Variants in OR51B5 observed in about 807,000 individuals in gnomAD.
OR51B5 encodes olfactory receptor family 51 subfamily B member 5.
For synonymous variants in OR51B5, 186 were observed against 144.8 expected (o/e 1.28, Z -2.04); for missense variants, 456 against 374.6 (o/e 1.22, Z -1.79).
intron 1 of OR51B5, among the ~76,000 whole-genome samples, chr11:5,416,876 C>T (rs1269155184): frequency 2.0e-5 from 3 of 151,896 alleles, no homozygotes; most frequent in Non-Finnish European, 4.4e-5. Flanking sequence ...AGATTCAATG[C>T]CATCCCCATC....
chr11:5,382,839 C>CAT (rs1220806387), intron 1 of OR51B5, among the ~76,000 whole-genome samples: 1 of 152,162 alleles, frequency 6.6e-6, no homozygotes, highest in Admixed American at 6.5e-5. Context: ...AATGGCATGT[C>CAT]ATAAACTTCA....
At chr11:5,405,164 A>T (rs912523550) in intron 1 of OR51B5, among the ~76,000 whole-genome samples, 2 of 152,174 alleles carry the variant, frequency 1.3e-5, no homozygotes. Flanking sequence ...TAAGATTTTT[A>T]ACATAAAATA....
At chr11:5,449,299 A>G (rs935012735) in intron 1 of OR51B5, 2 of 152,228 alleles carry the variant, frequency 1.3e-5, no homozygotes, top group Non-Finnish European at 2.9e-5. Context: ...AGTGGCAAGG[A>G]TGAATTCACT....
intron 1 of OR51B5, chr11:5,385,494 A>G (rs564447366): frequency 1.6e-5 from 2 of 127,048 alleles, no homozygotes; most frequent in South Asian, 2.9e-4. Flanking sequence ...TTAGTTTTTC[A>G]TGCAAAAAAA....
At chr11:5,356,122 C>T (rs1295121538) in intron 1 of OR51B5, among the ~76,000 whole-genome samples, 5 of 152,250 alleles carry the variant, frequency 3.3e-5, no homozygotes, top group African/African-American at 7.2e-5. Flanking sequence ...CAAAGCTGGA[C>T]AGAGAATGAC....
chr11:5,492,113 A>G (rs140475005), intron 1 of OR51B5, among the ~76,000 whole-genome samples: 266 of 152,252 alleles, frequency 1.7e-3, no homozygotes, highest in Middle Eastern at 6.8e-3. Flanking sequence ...TTCAATTTTA[A>G]GTAATTCAGC....
chr11:5,489,379 C>T (rs776107043), intron 1 of OR51B5: 3 of 1,613,956 alleles, frequency 1.9e-6, no homozygotes, highest in Non-Finnish European at 2.5e-6. Context: ...TGGCTTTATC[C>T]TCCATGCAGT....
At chr11:5,446,841 G>A (rs981918824) in intron 1 of OR51B5, among the ~76,000 whole-genome samples, 2 of 152,228 alleles carry the variant, frequency 1.3e-5, no homozygotes, top group African/African-American at 2.4e-5. Context: ...ACTGAACAGT[G>A]TTGTGAAGAA....
chr11:5,381,335 T>C (rs1176223817), intron 1 of OR51B5, among the ~76,000 whole-genome samples: 3 of 152,178 alleles, frequency 2.0e-5, no homozygotes, highest in African/African-American at 7.2e-5. Context: ...CTCACACTAA[T>C]GTGTTGATAC....
intron 1 of OR51B5, chr11:5,441,053 A>G: frequency 6.2e-7 from 1 of 1,613,882 alleles, no homozygotes. Flanking sequence ...GAGTGGTGAA[A>G]CTCTTGGTAA....
At chr11:5,382,220 T>C (rs1048053864) in intron 1 of OR51B5, among the ~76,000 whole-genome samples, 8 of 152,208 alleles carry the variant, frequency 5.3e-5, no homozygotes, top group African/African-American at 1.2e-4. Flanking sequence ...CCGGAAAATC[T>C]TATAGTTCTC....
chr11:5,389,746 C>A (rs267602949), intron 1 of OR51B5: 1 of 1,613,842 alleles, frequency 6.2e-7, no homozygotes, highest in Non-Finnish European at 8.5e-7. Context: ...TGTTCTGCAT[C>A]CACTCTTTTT....
At chr11:5,394,944 C>T (rs1566272) in intron 1 of OR51B5, among the ~76,000 whole-genome samples, 1 of 151,894 alleles carries the variant, frequency 6.6e-6, no homozygotes. Context: ...CTCAAGGGGA[C>T]TTTTGTCTGG....
At chr11:5,476,235 G>A (rs1265090171) in intron 1 of OR51B5, among the ~76,000 whole-genome samples, 1 of 152,102 alleles carries the variant, frequency 6.6e-6, no homozygotes, top group Non-Finnish European at 1.5e-5. Context: ...TTTATGTGTT[G>A]ACTAATTCTA....
intron 1 of OR51B5, among the ~76,000 whole-genome samples, chr11:5,450,030 G>A (rs1209098480): frequency 2.0e-5 from 3 of 152,222 alleles, no homozygotes; most frequent in African/African-American, 7.2e-5. Context: ...TTCTTTGCTT[G>A]ATTAAAAAGT....
In OR51B5 at chr11:5,461,667, C is replaced by A. The variant is rs187762999; in HGVS notation, n.84+43902G>T. Among the ~76,000 whole-genome samples the A allele has an allele frequency of 2.0e-5, 3 of 152,304 alleles. 1 individual carries two copies. Among genetic ancestry groups the A allele is most frequent in the Admixed American group, 2.0e-4 (3 of 15,306 alleles). The stretch of plus-strand genomic sequence containing the variant: ...CAGACTGGAGTTCTGTCTCTGTCAA[C>A]TCTCTGGGCAGTTCTCCCTGCCAAT... On this transcript the variant is annotated intron_variant and non_coding_transcript_variant, in intron 1 of 4. Coordinates refer to the OR51B5 transcript ENST00000415970.
At chr11:5,496,099 G>A (rs146804634) in intron 1 of OR51B5, among the ~76,000 whole-genome samples, 11 of 151,912 alleles carry the variant, frequency 7.2e-5, no homozygotes, top group Non-Finnish European at 1.2e-4. Flanking sequence ...GTGACCTAGT[G>A]ATATTCAAAT....
intron 1 of OR51B5, among the ~76,000 whole-genome samples, chr11:5,360,604 C>T: frequency 6.6e-6 from 1 of 152,076 alleles, no homozygotes; most frequent in Non-Finnish European, 1.5e-5. Context: ...GGATCTAGAA[C>T]TAGAAATACC....
intron 1 of OR51B5, among the ~76,000 whole-genome samples, chr11:5,478,985 C>T (rs563833317): frequency 1.1e-4 from 17 of 151,946 alleles, no homozygotes; most frequent in Admixed American, 3.3e-4. Flanking sequence ...GGCAGGTCAA[C>T]GTTCAGATTC....
Sources: allele counts gnomAD v4.1 joint callset (sites outside exome capture counted in the v4.1 genomes callset), GRCh38; gene constraint gnomAD v4.1.1; transcripts MANE v1.5; gene names NCBI Gene and HGNC (gene_info 2026-07-23, HGNC 2026-07-21).